PEPD: variants seen among roughly 807,000 people sequenced by gnomAD.
The protein encoded by PEPD is peptidase D.
PEPD carries 53 observed loss-of-function variants against 60.7 expected under a neutral mutation model. The observed-to-expected ratio is 0.87, with a 90% CI of 0.70 to 1.10. The LOEUF is 1.10. PEPD is among the 50% of genes least tolerant of loss of function. The probability of loss-of-function intolerance (pLI) is 0.00; values close to 1 mark genes in which losing one functional copy is unlikely to be tolerated. For synonymous variants in PEPD, 267 were observed against 284.1 expected, an observed-to-expected ratio of 0.94 and a Z score of 0.60; for missense variants, 711 against 711.9, an observed-to-expected ratio of 1.00 and a Z score of 0.01.
chr19:33,490,486 G>T (rs1277578093), intron 5 of PEPD, among the ~76,000 whole-genome samples: 6 of 152,176 alleles, frequency 3.9e-5, no homozygotes, highest in Admixed American at 3.9e-4. Context: ...GTCGAACCCA[G>T]CCCTTCTGGG....
intron 7 of PEPD, among the ~76,000 whole-genome samples, chr19:33,476,749 C>T (rs560573098): frequency 1.9e-3 from 291 of 152,214 alleles, no homozygotes; most frequent in African/African-American, 6.6e-3. Flanking sequence ...CTGCAACCTC[C>T]GCTTCCCAGG....
At chr19:33,438,624 T>C (rs1969424913) in intron 9 of PEPD, among the ~76,000 whole-genome samples, 1 of 152,184 alleles carries the variant, frequency 6.6e-6, no homozygotes, top group Non-Finnish European at 1.5e-5. Context: ...GGGGCAGCTG[T>C]CCAGGAGGAA....
intron 1 of PEPD, among the ~76,000 whole-genome samples, chr19:33,518,027 G>A (rs1971056442): frequency 6.6e-6 from 1 of 151,932 alleles, no homozygotes; most frequent in African/African-American, 2.4e-5. Flanking sequence ...AGTAGGAGAG[G>A]CCAGCCAAGG....
Position 33,388,093 on chromosome 19 carries a change from A to G in PEPD, c.1153-12T>C. ...ATGCGCTCCACGCCCTGTGGGGAACAGAGGTGAGGGGCCTGATGAGCAGCT... is the reference window on the plus strand; with the variant it reads ...ATGCGCTCCACGCCCTGTGGGGAACGGAGGTGAGGGGCCTGATGAGCAGCT... On this transcript the variant is annotated splice_polypyrimidine_tract_variant and intron_variant, in intron 13 of 14. Transcript: ENST00000244137. The G allele has an allele frequency of 6.5e-7, 1 of 1,544,660 alleles. No individual in the cohort carries two copies. Among genetic ancestry groups the G allele is most frequent in the South Asian group, 1.2e-5 (1 of 84,080 alleles).
At chr19:33,451,617 T>C (rs1969701944) in intron 9 of PEPD, among the ~76,000 whole-genome samples, 1 of 152,232 alleles carries the variant, frequency 6.6e-6, no homozygotes, top group South Asian at 2.1e-4. Flanking sequence ...ACAGCTCTCC[T>C]AACACGGGGA....
At chr19:33,514,635 C>A (rs1970992897) in intron 1 of PEPD, among the ~76,000 whole-genome samples, 1 of 151,846 alleles carries the variant, frequency 6.6e-6, no homozygotes, top group Non-Finnish European at 1.5e-5. Context: ...GCGCACTGAG[C>A]CAACGACAGG....
In PEPD at chr19:33,411,693, G is replaced by T. The variant is rs537651471; in HGVS notation, c.797C>A (p.Thr266Lys). 1.9e-6 allele frequency: 3 copies of T among 1,607,892 alleles called. No homozygotes were observed. Among genetic ancestry groups the T allele is most frequent in the East Asian group, 2.2e-5 (1 of 44,848 alleles). The change falls in exon 11 of 15, where the codon ACG (threonine) becomes AAG (lysine). Residue 266 changes from threonine to lysine, a missense_variant. Physicochemically the swap from Thr to Lys is moderately conservative, Grantham distance 78. Transcript: ENST00000244137. ...TTACCACATATCCCCATTCTGGATC[G>T]TTCGGTCGTTGGGAGCTCCGGCGTG... ...YGHAGAPNDR[T>K]IQNGDMCLFD...
intron 7 of PEPD, among the ~76,000 whole-genome samples, chr19:33,470,169 C>A (rs2145284600): frequency 6.6e-6 from 1 of 152,280 alleles, no homozygotes; most frequent in Middle Eastern, 3.4e-3. Flanking sequence ...CTCAGGCCCC[C>A]CCATTTCTCT....
chr19:33,422,513 TATC>T (rs1969041691), intron 9 of PEPD, among the ~76,000 whole-genome samples: 1 of 151,168 alleles, frequency 6.6e-6, no homozygotes, highest in Middle Eastern at 3.2e-3. Context: ...CCTATCCATC[TATC>T]ATCTATTTAC....
chr19:33,507,715 C>T (rs1302591026), intron 3 of PEPD, among the ~76,000 whole-genome samples: 1 of 152,142 alleles, frequency 6.6e-6, no homozygotes, highest in African/African-American at 2.4e-5. Context: ...CTATTGATTC[C>T]AGGAGCGGCT....
At chr19:33,429,241 T>C (rs1969220215) in intron 9 of PEPD, among the ~76,000 whole-genome samples, 1 of 151,866 alleles carries the variant, frequency 6.6e-6, no homozygotes, top group Non-Finnish European at 1.5e-5. Flanking sequence ...GAGCAAGAAA[T>C]GAGCCTTTAC....
chr19:33,394,049 C>A (rs1409813667), intron 12 of PEPD, among the ~76,000 whole-genome samples: 1 of 152,258 alleles, frequency 6.6e-6, no homozygotes, highest in African/African-American at 2.4e-5. Context: ...TCGTTTGCTT[C>A]TCATGTCTCA....
At chr19:33,488,073 CA>C (rs149443264) in intron 6 of PEPD, among the ~76,000 whole-genome samples, 118 of 152,150 alleles carry the variant, frequency 7.8e-4, no homozygotes, top group Middle Eastern at 3.4e-3. Flanking sequence ...AGACGTGGTC[CA>C]GGGGGGCTCA....
At chr19:33,390,107 A>G (rs982384052) in intron 13 of PEPD, among the ~76,000 whole-genome samples, 7 of 152,280 alleles carry the variant, frequency 4.6e-5, no homozygotes, top group African/African-American at 1.7e-4. Flanking sequence ...TGCAGGCCTG[A>G]AATAAAACAA....
chr19:33,455,271 TC>T (rs1969774678), intron 9 of PEPD, among the ~76,000 whole-genome samples: 1 of 152,188 alleles, frequency 6.6e-6, no homozygotes, highest in African/African-American at 2.4e-5. Context: ...TACATGGAAC[TC>T]TCTAATGTTC....
intron 3 of PEPD, among the ~76,000 whole-genome samples, chr19:33,509,806 G>A (rs1197089513): frequency 1.3e-5 from 2 of 152,196 alleles, no homozygotes; most frequent in African/African-American, 4.8e-5. Flanking sequence ...TACAGTGTCC[G>A]CCCTGGCACC....
At chr19:33,428,101 GC>G (rs1212392368) in intron 9 of PEPD, among the ~76,000 whole-genome samples, 2 of 152,282 alleles carry the variant, frequency 1.3e-5, no homozygotes, top group African/African-American at 4.8e-5. Flanking sequence ...CTCCTGCATA[GC>G]CAGGAGCCAG....
At chr19:33,443,296 C>T (rs1969520885) in intron 9 of PEPD, among the ~76,000 whole-genome samples, 1 of 152,232 alleles carries the variant, frequency 6.6e-6, no homozygotes, top group South Asian at 2.1e-4. Flanking sequence ...GGCTAGACTG[C>T]ACACCACACT....
chr19:33,388,011 A>G lies in PEPD; in HGVS notation c.1223T>C (p.Val408Ala), dbSNP rs761367683. 3.8e-6 allele frequency: 6 copies of G among 1,572,864 alleles called. No homozygotes were observed. The East Asian group carries it at 1.4e-4, about 37-fold the overall frequency. ...RTARHLQPGM[V>A]LTVEPGIYFI... ...GTAGATGCCCGGCTCCACGGTGAGC[A>G]CCATGCCTGGCTGCAGGTGCCGTGC... Residue 408 changes from valine (V) to alanine (A), a missense_variant, in exon 14 of 15, where the codon GTG becomes GCG. Physicochemically the swap from Val to Ala is moderately conservative, Grantham distance 64. Transcript: ENST00000244137.
Sources: allele counts gnomAD v4.1 joint callset (sites outside exome capture counted in the v4.1 genomes callset), GRCh38; gene constraint gnomAD v4.1.1; transcripts MANE v1.5; gene names NCBI Gene and HGNC (gene_info 2026-07-23, HGNC 2026-07-21).